The following FXYD6 variants were observed in gnomAD, a reference collection of about 807,000 sequenced individuals.
FXYD6 encodes the protein FXYD domain containing ion transport regulator 6, also known as FXYD domain-containing ion transport regulator 6.
In FXYD6, 7 loss-of-function variants were observed where a neutral mutation model predicts 16.7. The ratio of observed to expected loss-of-function variants is 0.42; its 90% CI spans 0.24 to 0.79. The LOEUF (loss-of-function observed/expected upper bound fraction) is 0.79. FXYD6 is among the 30% of genes least tolerant of loss of function. FXYD6 has a pLI of 0.28. For missense variants in FXYD6, 111 were observed against 116.2 expected, an observed-to-expected ratio of 0.95 and a Z score of 0.21; for synonymous variants, 49 against 43.0, an observed-to-expected ratio of 1.14 and a Z score of -0.54.
At chr11:117,842,174 T>A in intron 2 of FXYD6, 146 bp from the exon 3 acceptor site, 1 of 1,226,330 alleles carries the variant, frequency 8.2e-7, no homozygotes, top group Non-Finnish European at 1.1e-6. Flanking sequence ...AGGTGCACGG[T>A]AGGGCGGGCC....
chr11:117,855,988 G>A (rs759485430), intron 1 of FXYD6, among the ~76,000 whole-genome samples: 7 of 152,208 alleles, frequency 4.6e-5, no homozygotes, highest in Non-Finnish European at 5.9e-5. Flanking sequence ...TTCTGTTTCC[G>A]CTCATTTTTC....
chr11:117,841,123 A>C, intron 5 of FXYD6, 25 bp downstream of exon 5: 1 of 1,613,900 alleles, frequency 6.2e-7, no homozygotes, highest in Non-Finnish European at 8.5e-7. Flanking sequence ...TCACCCCCCC[A>C]AGGCCACTGC....
At chr11:117,846,299 A>T (rs1298009233) in intron 1 of FXYD6, among the ~76,000 whole-genome samples, 3 of 152,172 alleles carry the variant, frequency 2.0e-5, no homozygotes, top group Non-Finnish European at 4.4e-5. Context: ...TTAATTTCTT[A>T]TTCTGAATAC....
At position 117,841,177 on chromosome 11, in the gene FXYD6, C is replaced by A. The variant is rs777102802; in HGVS notation, c.180G>T (p.Arg60Ser). Residue 60 changes from arginine (R) to serine (S), a missense_variant, in exon 5 of 8, where the codon AGG becomes AGT. Transcript: ENST00000526014. ...SVGILLILSRRCKCSFNQKPR... is the reference protein window; with the variant it reads ...SVGILLILSRSCKCSFNQKPR... ...GCTTCTGATTGAAACTGCACTTGCACCTGCGACCTGAAAAGCAAAGAAACC... is the reference window on the plus strand; with the variant it reads ...GCTTCTGATTGAAACTGCACTTGCAACTGCGACCTGAAAAGCAAAGAAACC... 1 of 1,614,108 alleles carries A rather than the reference C, an allele frequency of 6.2e-7. No individual in the cohort carries two copies. Among genetic ancestry groups the A allele is most frequent in the Non-Finnish European group, 8.5e-7 (1 of 1,180,024 alleles).
At chr11:117,868,690 G>A (rs1482004627) in intron 1 of FXYD6, among the ~76,000 whole-genome samples, 1 of 152,148 alleles carries the variant, frequency 6.6e-6, no homozygotes, top group Non-Finnish European at 1.5e-5. Context: ...TTCATTAATT[G>A]TAACAAATGT....
chr11:117,852,621 T>C (rs2056635694), intron 1 of FXYD6, among the ~76,000 whole-genome samples: 1 of 152,230 alleles, frequency 6.6e-6, no homozygotes, highest in Admixed American at 6.5e-5. Context: ...ATAGAACTGA[T>C]TGTCGTGAGT....
intron 1 of FXYD6, among the ~76,000 whole-genome samples, chr11:117,854,349 A>C (rs1220881264): frequency 1.3e-5 from 2 of 152,138 alleles, no homozygotes; most frequent in Non-Finnish European, 2.9e-5. Flanking sequence ...GCCCCCTGGG[A>C]ATAGGGAAAG....
intron 1 of FXYD6, among the ~76,000 whole-genome samples, chr11:117,864,174 T>C (rs923657263): frequency 6.6e-6 from 1 of 152,226 alleles, no homozygotes; most frequent in Non-Finnish European, 1.5e-5. Context: ...GCTGAAGGAC[T>C]CAAGCTTCCT....
intron 7 of FXYD6, chr11:117,839,494 T>A: frequency 2.3e-6 from 1 of 430,600 alleles, no homozygotes; most frequent in East Asian, 3.2e-5. Flanking sequence ...ACTCTAATTC[T>A]CCCATGTTGC....
At chr11:117,856,267 C>T (rs372423743) in intron 1 of FXYD6, among the ~76,000 whole-genome samples, 1 of 152,160 alleles carries the variant, frequency 6.6e-6, no homozygotes, top group Non-Finnish European at 1.5e-5. Flanking sequence ...TTTGATTCCA[C>T]GCAGCAGTGA....
chr11:117,870,309 A>ACAGGCTGGGGCCCCAG lies in FXYD6; in HGVS notation c.-6+6267_-6+6282dup, dbSNP rs1168916080. ...TGGTGAGTGGTATTGCACAGAAGCC[A>ACAGGCTGGGGCCCCAG]CAGGCTGGGGCCCCAGCAGGCTGCA... On this transcript the variant is annotated intron_variant, in intron 1 of 7. Transcript: ENST00000526014. The surrounding 1 kb of genome is among the most constrained non-coding windows in gnomAD (Gnocchi z 4.2). Among the ~76,000 whole-genome samples the ACAGGCTGGGGCCCCAG allele has an allele frequency of 6.6e-6, 1 of 152,148 alleles. No homozygotes were observed. Among genetic ancestry groups the ACAGGCTGGGGCCCCAG allele is most frequent in the African/African-American group, 2.4e-5 (1 of 41,440 alleles).
At chr11:117,839,721 C>T in intron 7 of FXYD6, 60 bp downstream of exon 7, 1 of 1,600,648 alleles carries the variant, frequency 6.2e-7, no homozygotes. Context: ...GAACCCCTGT[C>T]CAGGCCCTGA....
At chr11:117,854,715 C>T (rs1219707497) in intron 1 of FXYD6, among the ~76,000 whole-genome samples, 2 of 152,136 alleles carry the variant, frequency 1.3e-5, no homozygotes, top group African/African-American at 2.4e-5. Flanking sequence ...GGGAAGTTTC[C>T]GTGGAGGAGC....
intron 1 of FXYD6, among the ~76,000 whole-genome samples, chr11:117,850,183 C>A (rs1313634145): frequency 6.6e-6 from 1 of 152,240 alleles, no homozygotes; most frequent in Non-Finnish European, 1.5e-5. Flanking sequence ...GATTTGAGAG[C>A]CGTTCTCCGG....
intron 1 of FXYD6, among the ~76,000 whole-genome samples, chr11:117,865,193 A>AT (rs2056988527): frequency 1.3e-5 from 2 of 152,220 alleles, no homozygotes; most frequent in Non-Finnish European, 2.9e-5. Flanking sequence ...GATAGCTGCT[A>AT]TAAAAAAAAG....
chr11:117,873,065 C>G (rs1241128499), intron 1 of FXYD6, among the ~76,000 whole-genome samples: 1 of 152,140 alleles, frequency 6.6e-6, no homozygotes, highest in Non-Finnish European at 1.5e-5. Flanking sequence ...CAGTGTGCAG[C>G]CTGGTAGAAA....
At chr11:117,874,466 G>C (rs1246501579) in intron 1 of FXYD6, among the ~76,000 whole-genome samples, 1 of 152,222 alleles carries the variant, frequency 6.6e-6, no homozygotes, top group Non-Finnish European at 1.5e-5. Context: ...GCCAGGAAGA[G>C]AGGGTGGCCT....
chr11:117,841,519 C>A (rs1376935622), intron 4 of FXYD6: 2 of 589,914 alleles, frequency 3.4e-6, no homozygotes, highest in Non-Finnish European at 6.0e-6. Context: ...GTGACTGCCC[C>A]ATTCATGCCC....
At chr11:117,842,848 C>G in intron 1 of FXYD6, 67 bp from the exon 2 acceptor site, 1 of 1,519,772 alleles carries the variant, frequency 6.6e-7, no homozygotes. Context: ...CTCCAAGCGT[C>G]AGCCTGACCA....
Sources: allele counts gnomAD v4.1 joint callset (sites outside exome capture counted in the v4.1 genomes callset), GRCh38; gene constraint gnomAD v4.1.1; non-coding constraint Gnocchi (gnomAD v3.1); transcripts MANE v1.5; gene names NCBI Gene and HGNC (gene_info 2026-07-23, HGNC 2026-07-21).